LRRC53: variants seen among roughly 807,000 people sequenced by gnomAD.
LRRC53 encodes leucine-rich repeat-containing protein 53.
In LRRC53, 25 loss-of-function variants were observed where a neutral mutation model predicts 13.6. The ratio of observed to expected loss-of-function variants is 1.83; its 90% CI spans 1.34 to 2.56. The LOEUF is 2.56. Ranked by LOEUF, LRRC53 falls within the 30% of genes most tolerant of loss-of-function variation. The probability of loss-of-function intolerance (pLI) is 0.00; values close to 1 mark genes in which losing one functional copy is unlikely to be tolerated. For synonymous variants in LRRC53, 204 were observed against 109.8 expected (o/e 1.86, Z -5.37); for missense variants, 527 against 275.8 (o/e 1.91, Z -6.45).
At chr1:74,493,676 T>C (rs1486844135) in intron 1 of LRRC53, among the ~76,000 whole-genome samples, 3 of 152,204 alleles carry the variant, frequency 2.0e-5, no homozygotes, top group Admixed American at 1.3e-4. Context: ...GAACTACAGA[T>C]TGCGTTCAGG....
At chr1:74,497,224 G>A (rs1432437155) in intron 1 of LRRC53, among the ~76,000 whole-genome samples, 1 of 152,098 alleles carries the variant, frequency 6.6e-6, no homozygotes, top group Non-Finnish European at 1.5e-5. Flanking sequence ...GAATGAAGAA[G>A]GGAGAGCAGC....
At chr1:74,524,701 C>T in the LRRC53 span, among the ~76,000 whole-genome samples, 1 of 151,942 alleles carries the variant, frequency 6.6e-6, no homozygotes, top group East Asian at 1.9e-4. Flanking sequence ...AATCTCTTCC[C>T]TCGTGGAGGT....
At chr1:74,510,404 A>G (rs1375842414) in intron 1 of LRRC53, among the ~76,000 whole-genome samples, 1 of 152,150 alleles carries the variant, frequency 6.6e-6, no homozygotes, top group Non-Finnish European at 1.5e-5. Context: ...GCTACTCAGG[A>G]GGCTGAGGCA....
Position 74,475,286 on chromosome 1 carries a change from C to A in LRRC53, c.1420+9G>T. 1 of 630,218 alleles carries A rather than the reference C, an allele frequency of 1.6e-6. No homozygotes were observed. Among genetic ancestry groups the A allele is most frequent in the Non-Finnish European group, 2.9e-6 (1 of 344,640 alleles). 39.0% of individuals were successfully genotyped at this position (630,218 alleles called of 1,614,324 possible). ...CGGAGTGGGATTTTCTAAAACAAGACAAACTCACCTTCTGTTCTTATTATA... is the reference window on the plus strand; with the variant it reads ...CGGAGTGGGATTTTCTAAAACAAGAAAAACTCACCTTCTGTTCTTATTATA... On this transcript the variant is annotated intron_variant, in intron 4 of 4. Transcript: ENST00000294635.
At chr1:74,474,114 A>T (rs565989079) in intron 4 of LRRC53, among the ~76,000 whole-genome samples, 2 of 152,284 alleles carry the variant, frequency 1.3e-5, no homozygotes, top group Admixed American at 6.5e-5. Context: ...TCAGTGTGAA[A>T]ACAACAGACT....
At chr1:74,481,481 G>A (rs1668499912) in intron 2 of LRRC53, among the ~76,000 whole-genome samples, 1 of 152,202 alleles carries the variant, frequency 6.6e-6, no homozygotes, top group Admixed American at 6.5e-5. Flanking sequence ...GTGAGAAGGA[G>A]CATTGATTTC....
chr1:74,533,531 A>G, the LRRC53 span, among the ~76,000 whole-genome samples: 4 of 151,956 alleles, frequency 2.6e-5, no homozygotes, highest in African/African-American at 4.8e-5. Flanking sequence ...AGAACTAGAA[A>G]TACCATTTGA....
intron 1 of LRRC53, among the ~76,000 whole-genome samples, chr1:74,485,554 C>T (rs1668715191): frequency 6.6e-6 from 1 of 152,112 alleles, no homozygotes; most frequent in Non-Finnish European, 1.5e-5. Context: ...TGTAGAATAC[C>T]CTGTCCTTCA....
chr1:74,509,732 G>C (rs560955060), intron 1 of LRRC53, among the ~76,000 whole-genome samples: 35 of 121,898 alleles, frequency 2.9e-4, no homozygotes, highest in African/African-American at 1.0e-3. Flanking sequence ...TTCTGGTTTT[G>C]AGTGATCTGA....
the LRRC53 span, among the ~76,000 whole-genome samples, chr1:74,522,223 C>T: frequency 2.0e-5 from 3 of 152,204 alleles, no homozygotes; most frequent in Admixed American, 6.5e-5. Flanking sequence ...GTTATAGACT[C>T]AGGGGCTTCA....
chr1:74,493,888 A>G (rs1669200967), intron 1 of LRRC53, among the ~76,000 whole-genome samples: 1 of 152,232 alleles, frequency 6.6e-6, no homozygotes, highest in Non-Finnish European at 1.5e-5. Flanking sequence ...CATCAATAGG[A>G]AGAAAAAATA....
the LRRC53 span, among the ~76,000 whole-genome samples, chr1:74,528,780 C>T: frequency 9.4e-3 from 1,431 of 152,232 alleles, 22 homozygotes; most frequent in African/African-American, 0.031. Context: ...CTGGGAGGAG[C>T]GGCACTTCAA....
the LRRC53 span, among the ~76,000 whole-genome samples, chr1:74,521,257 G>A: frequency 1.3e-5 from 2 of 152,132 alleles, no homozygotes; most frequent in South Asian, 4.1e-4. Context: ...GTGCGATCTT[G>A]CCCAAGCTCA....
At chr1:74,489,420 A>G (rs1447992073) in intron 1 of LRRC53, among the ~76,000 whole-genome samples, 2 of 152,218 alleles carry the variant, frequency 1.3e-5, no homozygotes, top group East Asian at 1.9e-4. Context: ...AGCTGTATCT[A>G]CAGGGACAAA....
chr1:74,479,568 C>A (rs1668376068), intron 3 of LRRC53, among the ~76,000 whole-genome samples: 1 of 152,100 alleles, frequency 6.6e-6, no homozygotes, highest in South Asian at 2.1e-4. Flanking sequence ...GGATTCAAAC[C>A]TAGGTAATCC....
At chr1:74,504,878 C>T (rs887130730) in intron 1 of LRRC53, among the ~76,000 whole-genome samples, 1 of 152,196 alleles carries the variant, frequency 6.6e-6, no homozygotes, top group Admixed American at 6.5e-5. Flanking sequence ...GCATTTCCCT[C>T]TTCAAGCGTT....
At chr1:74,483,200 G>T in intron 2 of LRRC53, 62 bp downstream of exon 2, 1 of 708,928 alleles carries the variant, frequency 1.4e-6, no homozygotes, top group Non-Finnish European at 2.6e-6. Flanking sequence ...ACAATGAAAG[G>T]TATGGCAACC....
intron 1 of LRRC53, among the ~76,000 whole-genome samples, chr1:74,503,609 CT>C (rs756164791): frequency 6.6e-4 from 100 of 152,184 alleles, no homozygotes; most frequent in African/African-American, 2.3e-3. Flanking sequence ...GCTATCATCT[CT>C]GAGACGTAAA....
Position 74,500,517 on chromosome 1 carries a change from T to C in LRRC53, c.-27+12009A>G, listed in dbSNP as rs1294500736. ...TACTTGGGAGGCTGAGGCAGGAGAA[T>C]GGCGTGAACCCGGGAGGCGGAGCTT... On this transcript the variant is annotated intron_variant, in intron 1 of 4. Coordinates refer to ENST00000294635, the MANE Select transcript of LRRC53 (RefSeq NM_001382280.1). 2.7e-5 allele frequency among the ~76,000 whole-genome samples: 4 copies of C among 145,942 alleles called. No individual in the cohort carries two copies. The East Asian group carries it at 8.1e-4, about 30-fold the overall frequency.
Sources: gnomAD v4.1 joint callset for allele counts (sites outside exome capture counted in the v4.1 genomes callset) on GRCh38, gnomAD v4.1.1 for gene constraint, MANE v1.5 for transcripts, NCBI Gene and HGNC (gene_info 2026-07-23, HGNC 2026-07-21) for gene names.